The following ITGB8 variants were observed in gnomAD, a reference collection of about 807,000 sequenced individuals.
The protein encoded by ITGB8 is integrin subunit beta 8, also known as integrin beta-8.
In ITGB8, 30 loss-of-function variants were observed where a neutral mutation model predicts 89.5. The observed-to-expected ratio is 0.34, with a 90% CI of 0.25 to 0.45. The LOEUF is 0.45. Ranked by LOEUF, ITGB8 falls within the 20% of genes least tolerant of loss-of-function variation. The probability of loss-of-function intolerance (pLI) is 1.00; values close to 1 mark genes in which losing one functional copy is unlikely to be tolerated. For synonymous variants in ITGB8, 335 were observed against 320.4 expected, an observed-to-expected ratio of 1.05 and a Z score of -0.49; for missense variants, 836 against 933.3, an observed-to-expected ratio of 0.90 and a Z score of 1.36.
rs1787846053 is a variant in ITGB8 at position 20,413,840 on chromosome 7, A to G, written c.*3843A>G. 1 of 152,128 alleles carries G rather than the reference A, an allele frequency of 6.6e-6. No individual in the cohort carries two copies. The highest frequency in any genetic ancestry group is 1.5e-5 in the Non-Finnish European group (1 of 67,958). 9.4% of individuals were successfully genotyped at this position (152,128 alleles called of 1,614,324 possible). Reference sequence around the variant, plus strand: ...GGGAGCTCAATCATGTGCAGATTGCATTCTGTTATGTTGACTCAATATTTA... The same window carrying G: ...GGGAGCTCAATCATGTGCAGATTGCGTTCTGTTATGTTGACTCAATATTTA... On this transcript the variant is annotated 3_prime_UTR_variant, in exon 14 of 14. Transcript: ENST00000222573.
In ITGB8 at chr7:20,400,037, A is replaced by G. The variant is rs1324956111; in HGVS notation, c.1281+1043A>G. Among the ~76,000 whole-genome samples, 9 of 152,302 alleles carry G rather than the reference A, an allele frequency of 5.9e-5. No individual in the cohort carries two copies. In the East Asian group the frequency reaches 1.7e-3, roughly 29 times the overall value. On this transcript the variant is annotated intron_variant, in intron 9 of 13. Coordinates refer to ENST00000222573, the MANE Select transcript of ITGB8 (RefSeq NM_002214.3). ...ACTCCGTGGATTTTGTTCAAAGGAC[A>G]TCATATACCAGTTTGCAAAATGCAC...
At chr7:20,386,923 C>T (rs1562688842) in intron 6 of ITGB8, among the ~76,000 whole-genome samples, 1 of 152,094 alleles carries the variant, frequency 6.6e-6, no homozygotes, top group African/African-American at 2.4e-5. Flanking sequence ...AATGCATACC[C>T]TTCTTCAGTA....
intron 12 of ITGB8, among the ~76,000 whole-genome samples, chr7:20,407,420 A>G (rs1787591960): frequency 6.6e-6 from 1 of 152,182 alleles, no homozygotes; most frequent in East Asian, 1.9e-4. Context: ...GCACAGGGGT[A>G]AGGTGTGGAA....
chr7:20,404,709 C>T lies in ITGB8; in HGVS notation c.1769C>T (p.Ala590Val). The part of the protein sequence containing the change: ...GDRCQCPSAA[A>V]QHCVNSKGQV... The stretch of plus-strand genomic sequence containing the variant: ...CGATGCCAGTGCCCTTCAGCAGCAG[C>T]CCAGCACTGTGTCAATTCAAAGGGC... Residue 590 changes from alanine to valine, a missense_variant, in exon 11 of 14, where the codon GCC becomes GTC. This residue lies in a region of ITGB8 where 422 missense variants were observed against 416.9 expected (regional missense o/e 1.01). Transcript: ENST00000222573. The T allele has an allele frequency of 6.2e-7, 1 of 1,614,132 alleles. No individual in the cohort carries two copies. The highest frequency in any genetic ancestry group is 8.5e-7 in the Non-Finnish European group (1 of 1,180,016).
At chr7:20,383,725 A>G (rs1057145861) in intron 6 of ITGB8, among the ~76,000 whole-genome samples, 2 of 152,148 alleles carry the variant, frequency 1.3e-5, no homozygotes, top group African/African-American at 4.8e-5. Context: ...CCTTATGGAA[A>G]TAAGTTATAA....
chr7:20,351,487 C>A (rs1005909149), intron 1 of ITGB8, among the ~76,000 whole-genome samples: 2 of 152,206 alleles, frequency 1.3e-5, no homozygotes, highest in Admixed American at 6.5e-5. Flanking sequence ...ATATAAAGTG[C>A]TTGGCATAGG....
At chr7:20,406,887 T>C (rs1787566180) in intron 12 of ITGB8, among the ~76,000 whole-genome samples, 1 of 152,220 alleles carries the variant, frequency 6.6e-6, no homozygotes, top group Admixed American at 6.5e-5. Flanking sequence ...AAGCTATATT[T>C]TTATCAAAAT....
At chr7:20,347,256 C>T (rs1159365295) in intron 1 of ITGB8, among the ~76,000 whole-genome samples, 1 of 152,174 alleles carries the variant, frequency 6.6e-6, no homozygotes, top group Non-Finnish European at 1.5e-5. Context: ...CTTTACTACT[C>T]AGGTGGTGGA....
intron 12 of ITGB8, among the ~76,000 whole-genome samples, chr7:20,406,883 T>C (rs1787565967): frequency 6.6e-6 from 1 of 152,238 alleles, no homozygotes; most frequent in Non-Finnish European, 1.5e-5. Flanking sequence ...CCTTAAGCTA[T>C]ATTTTTATCA....
chr7:20,404,392 C>T (rs531731164), intron 10 of ITGB8, among the ~76,000 whole-genome samples: 37 of 152,318 alleles, frequency 2.4e-4, no homozygotes, highest in Admixed American at 5.2e-4. Flanking sequence ...GGGTGCCCTT[C>T]GTGCTTGTTA....
chr7:20,334,493 A>G (rs1174074866), intron 1 of ITGB8, among the ~76,000 whole-genome samples: 1 of 152,156 alleles, frequency 6.6e-6, no homozygotes, highest in African/African-American at 2.4e-5. Flanking sequence ...GTGTATTGCA[A>G]TGAAATTTCA....
At position 20,334,602 on chromosome 7, in the gene ITGB8, T is replaced by C. The variant is rs150833785; in HGVS notation, c.127+2669T>C. 1.2e-3 allele frequency among the ~76,000 whole-genome samples: 183 copies of C among 152,320 alleles called. 4 individuals are homozygous for C. The East Asian group carries it at 0.025, about 21-fold the overall frequency. On this transcript the variant is annotated intron_variant, in intron 1 of 13. Coordinates refer to ENST00000222573, the MANE Select transcript of ITGB8 (RefSeq NM_002214.3). The stretch of plus-strand genomic sequence containing the variant: ...CATATCATTACTTCCCCTCAAAGCG[T>C]TGCATAGCATAAGTGTTCCCAGAAT...
Position 20,380,743 on chromosome 7 carries a change from A to G in ITGB8, c.713A>G (p.Glu238Gly), listed in dbSNP as rs1451144496. 2.5e-6 allele frequency: 4 copies of G among 1,613,610 alleles called. No individual in the cohort carries two copies. The Admixed American group carries it at 6.7e-5, about 27-fold the overall frequency. ...TTGACAGAGAACATCACTGAGTTTGAGAAAGCAGTTCATAGACAGAAGATC... is the reference window on the plus strand; with the variant it reads ...TTGACAGAGAACATCACTGAGTTTGGGAAAGCAGTTCATAGACAGAAGATC... ...LSLTENITEFEKAVHRQKISG... is the reference protein window; with the variant it reads ...LSLTENITEFGKAVHRQKISG... The change falls in exon 5 of 14, where the codon GAG (glutamate) becomes GGG (glycine). Residue 238 changes from glutamate (E) to glycine (G), a missense_variant. This residue lies in a region of ITGB8 where 192 missense variants were observed against 267.1 expected (regional missense o/e 0.72). Transcript: ENST00000222573.
At chr7:20,330,551 A>G (rs1784339756), upstream of ITGB8, among the ~76,000 whole-genome samples, 1 of 152,190 alleles carries the variant, frequency 6.6e-6, no homozygotes, top group Admixed American at 6.5e-5. Flanking sequence ...ACGCTTCAGG[A>G]GTTCTTGTGA....
chr7:20,331,756 C>A lies in ITGB8; in HGVS notation c.-51C>A, dbSNP rs1308038908. The stretch of plus-strand genomic sequence containing the variant: ...GAGGTGCGCCCGGGAGGCGCGAGCC[C>A]GCGTCCGGAAGGCAGTCAGGCGGCG... On this transcript the variant is annotated 5_prime_UTR_variant, in exon 1 of 14. Transcript: ENST00000222573. The A allele has an allele frequency of 6.3e-7, 1 of 1,576,098 alleles. No homozygotes were observed. The highest frequency in any genetic ancestry group is 1.8e-5 in the Admixed American group (1 of 54,890).
chr7:20,404,552 C>CA, intron 10 of ITGB8, 76 bp from the exon 11 acceptor site: 1 of 1,230,836 alleles, frequency 8.1e-7, no homozygotes, highest in Non-Finnish European at 1.2e-6. Context: ...GGAGATGATA[C>CA]AGGAATCCAT....
intron 1 of ITGB8, among the ~76,000 whole-genome samples, chr7:20,351,237 G>C (rs1472382886): frequency 6.6e-6 from 1 of 152,142 alleles, no homozygotes; most frequent in Non-Finnish European, 1.5e-5. Flanking sequence ...AATTAGCCAG[G>C]AGTTTTCAGT....
chr7:20,331,616 C>T lies in ITGB8; in HGVS notation c.-191C>T. On this transcript the variant is annotated 5_prime_UTR_variant, in exon 1 of 14. Transcript: ENST00000222573. ...GCCGAGCCGGGAGGGCCGCAGGGGCCCTGAGATGCCGAGCGGTGCCCGGGC... is the reference window on the plus strand; with the variant it reads ...GCCGAGCCGGGAGGGCCGCAGGGGCTCTGAGATGCCGAGCGGTGCCCGGGC... 2 of 574,306 alleles carry T rather than the reference C, an allele frequency of 3.5e-6. No homozygotes were observed. 35.6% of individuals were successfully genotyped at this position (574,306 alleles called of 1,614,324 possible). A position where few individuals can be genotyped will look rare whatever the true frequency, so the allele number is the denominator to read the frequency against.
chr7:20,397,139 C>G (rs967666414), intron 8 of ITGB8, among the ~76,000 whole-genome samples: 1 of 151,964 alleles, frequency 6.6e-6, no homozygotes, highest in Admixed American at 6.6e-5. Context: ...ATTTCTGAAT[C>G]CCCAAACTGG....
Sources: gnomAD v4.1 joint callset for allele counts (sites outside exome capture counted in the v4.1 genomes callset) on GRCh38, gnomAD v4.1.1 for gene constraint, gnomAD v4.1.1 regional missense constraint, MANE v1.5 for transcripts, NCBI Gene and HGNC (gene_info 2026-07-23, HGNC 2026-07-21) for gene names.